Variants in LRRC2 observed in about 807,000 individuals in gnomAD.
LRRC2 encodes the protein leucine-rich repeat-containing protein 2.
LRRC2 carries 27 observed loss-of-function variants against 40.2 expected under a neutral mutation model. The observed-to-expected ratio is 0.67, with a 90% CI of 0.49 to 0.93. The LOEUF (loss-of-function observed/expected upper bound fraction) is 0.93. Ranked by LOEUF, LRRC2 falls within the 40% of genes least tolerant of loss-of-function variation. LRRC2 has a pLI of 0.00. For synonymous variants in LRRC2, 147 were observed against 158.9 expected (o/e 0.92, Z 0.56); for missense variants, 402 against 439.6 (o/e 0.91, Z 0.76).
intron 1 of LRRC2, among the ~76,000 whole-genome samples, chr3:46,556,127 T>TC (rs1559420540): frequency 6.6e-6 from 1 of 151,668 alleles, no homozygotes; most frequent in Non-Finnish European, 1.5e-5. Flanking sequence ...TTTTTTTCTT[T>TC]CCCCCTTCCA....
chr3:46,562,839 C>T (rs925442416), intron 1 of LRRC2, among the ~76,000 whole-genome samples: 8 of 151,580 alleles, frequency 5.3e-5, no homozygotes, highest in African/African-American at 1.9e-4. Flanking sequence ...AGCAATTCTT[C>T]CTCAGCCTCC....
intron 4 of LRRC2, among the ~76,000 whole-genome samples, chr3:46,537,210 C>T (rs1410818498): frequency 6.6e-6 from 1 of 152,200 alleles, no homozygotes; most frequent in Non-Finnish European, 1.5e-5. Flanking sequence ...TCACTGCAGC[C>T]TCAACCTCCT....
chr3:46,516,965 G>A lies in LRRC2; in HGVS notation c.*2049C>T, dbSNP rs1333643017. 1 of 152,150 alleles carries A rather than the reference G, an allele frequency of 6.6e-6. No individual in the cohort carries two copies. The highest frequency in any genetic ancestry group is 1.5e-5 in the Non-Finnish European group (1 of 68,036). 9.4% of individuals were successfully genotyped at this position (152,150 alleles called of 1,614,324 possible). On this transcript the variant is annotated 3_prime_UTR_variant, in exon 9 of 9. Coordinates refer to ENST00000395905, the MANE Select transcript of LRRC2 (RefSeq NM_024512.5). ...GCTTCTTCCTTTAGAATCGCAACTG[G>A]CCCCACCTTGGAACGGTTTGGAGCA... is the stretch of plus-strand genomic sequence containing the variant.
At position 46,517,928 on chromosome 3, in the gene LRRC2, TA is replaced by T. The variant is rs1703894427; in HGVS notation, c.*1085del. 1 of 152,334 alleles carries T rather than the reference TA, an allele frequency of 6.6e-6. No homozygotes were observed. Among genetic ancestry groups the T allele is most frequent in the African/African-American group, 2.4e-5 (1 of 41,454 alleles). The allele number at this position is 152,334 out of a possible 1,614,324, so 9.4% of individuals were successfully genotyped here. ...ATCAGTGTGGACTGGTCATCTCCAT[TA>T]CCCTACATGGCCATCTTGGAGGAAG... On this transcript the variant is annotated 3_prime_UTR_variant, in exon 9 of 9. Transcript: ENST00000395905.
At chr3:46,554,507 T>C (rs1301097905) in intron 1 of LRRC2, among the ~76,000 whole-genome samples, 1 of 152,024 alleles carries the variant, frequency 6.6e-6, no homozygotes, top group Admixed American at 6.5e-5. Context: ...TAGCCGGGCA[T>C]GGTGGTGCAC....
chr3:46,527,249 A>ATAAACTTCCC (rs1704076378), intron 7 of LRRC2, among the ~76,000 whole-genome samples, 177 bp downstream of exon 7: 1 of 152,302 alleles, frequency 6.6e-6, no homozygotes, highest in Admixed American at 6.5e-5. Context: ...TCCTCGTGTC[A>ATAAACTTCCC]TATGCCACAA....
At chr3:46,527,722 G>T in intron 6 of LRRC2, 141 bp from the exon 7 acceptor site, 2 of 684,470 alleles carry the variant, frequency 2.9e-6, no homozygotes, top group Non-Finnish European at 4.8e-6. Flanking sequence ...CTTATTCTAA[G>T]TTTTGTTCTT....
chr3:46,562,022 CA>C (rs1392788063), intron 1 of LRRC2, among the ~76,000 whole-genome samples: 1 of 152,212 alleles, frequency 6.6e-6, no homozygotes, highest in Non-Finnish European at 1.5e-5. Context: ...ACTATATCCA[CA>C]AAGTCTTTCA....
intron 1 of LRRC2, among the ~76,000 whole-genome samples, chr3:46,555,339 C>T (rs1704768507): frequency 6.6e-6 from 1 of 151,944 alleles, no homozygotes; most frequent in Non-Finnish European, 1.5e-5. Flanking sequence ...GTATGTATGC[C>T]ATTTATATTT....
At chr3:46,541,201 C>T (rs868572135) in intron 3 of LRRC2, among the ~76,000 whole-genome samples, 16 of 151,936 alleles carry the variant, frequency 1.1e-4, no homozygotes, top group African/African-American at 1.7e-4. Context: ...GGCGTGGTGG[C>T]GGGCGCCTGC....
chr3:46,529,806 C>A, intron 6 of LRRC2, 99 bp downstream of exon 6: 2 of 1,260,990 alleles, frequency 1.6e-6, no homozygotes, highest in East Asian at 2.4e-5. Flanking sequence ...TTAGTTGATT[C>A]CAAAGAACAT....
intron 1 of LRRC2, among the ~76,000 whole-genome samples, chr3:46,564,540 G>A (rs1340341121): frequency 2.0e-5 from 3 of 152,104 alleles, no homozygotes; most frequent in Non-Finnish European, 2.9e-5. Flanking sequence ...GAAGGATCTG[G>A]GGGAGTTTGG....
At chr3:46,549,484 C>T (rs1216023332) in intron 2 of LRRC2, among the ~76,000 whole-genome samples, 5 of 152,154 alleles carry the variant, frequency 3.3e-5, no homozygotes, top group Admixed American at 3.3e-4. Flanking sequence ...CTTATCTGCC[C>T]AGCCAACTTG....
chr3:46,542,792 G>T (rs1055849298), intron 3 of LRRC2, among the ~76,000 whole-genome samples: 2 of 152,156 alleles, frequency 1.3e-5, no homozygotes, highest in Non-Finnish European at 2.9e-5. Context: ...AGGGTCCGGG[G>T]TCTGAGAGCT....
At chr3:46,521,478 G>T in intron 8 of LRRC2, 44 bp downstream of exon 8, 1 of 1,425,278 alleles carries the variant, frequency 7.0e-7, no homozygotes, top group Non-Finnish European at 9.5e-7. Flanking sequence ...ATAAGTGGAC[G>T]TCTGTACACT....
At chr3:46,540,457 G>A (rs1472170584) in intron 3 of LRRC2, among the ~76,000 whole-genome samples, 1 of 150,902 alleles carries the variant, frequency 6.6e-6, no homozygotes, top group African/African-American at 2.4e-5. Flanking sequence ...CCCAGGAGGC[G>A]AAGGTTGTAG....
At chr3:46,526,367 T>C (rs559643804) in intron 7 of LRRC2, among the ~76,000 whole-genome samples, 44 of 152,340 alleles carry the variant, frequency 2.9e-4, no homozygotes, top group Non-Finnish European at 4.9e-4. Flanking sequence ...CTATGAGACA[T>C]GAAGCTGCCA....
intron 2 of LRRC2, among the ~76,000 whole-genome samples, chr3:46,550,108 A>AG (rs1435242550): frequency 6.6e-6 from 1 of 152,180 alleles, no homozygotes; most frequent in Non-Finnish European, 1.5e-5. Flanking sequence ...GCAAGAGAAA[A>AG]GACGTTCTAA....
At chr3:46,526,776 G>C (rs1356345529) in intron 7 of LRRC2, among the ~76,000 whole-genome samples, 1 of 152,244 alleles carries the variant, frequency 6.6e-6, no homozygotes, top group African/African-American at 2.4e-5. Context: ...TCTGGACAGA[G>C]AGAAGGTGGC....
Sources: gnomAD v4.1 joint callset for allele counts (sites outside exome capture counted in the v4.1 genomes callset) on GRCh38, gnomAD v4.1.1 for gene constraint, MANE v1.5 for transcripts, NCBI Gene and HGNC (gene_info 2026-07-23, HGNC 2026-07-21) for gene names.